MSI1: variants seen among roughly 807,000 people sequenced by gnomAD.
MSI1 encodes the protein musashi RNA binding protein 1.
MSI1 carries 15 observed loss-of-function variants against 54.4 expected under a neutral mutation model. The ratio of observed to expected loss-of-function variants is 0.28; its 90% confidence interval spans 0.18 to 0.42. MSI1 has a LOEUF of 0.42. MSI1 is among the 20% of genes least tolerant of loss of function. MSI1 has a pLI of 1.00. For synonymous variants in MSI1, 200 were observed against 196.5 expected (o/e 1.02, Z -0.15); for missense variants, 304 against 506.0 (o/e 0.60, Z 3.83).
intron 12 of MSI1, among the ~76,000 whole-genome samples, chr12:120,346,837 G>A (rs1331539348): frequency 6.6e-6 from 1 of 152,100 alleles, no homozygotes; most frequent in East Asian, 1.9e-4. Context: ...AGCTCCTCTG[G>A]TACTGGACTC....
At position 120,368,008 on chromosome 12, in the gene MSI1, T is replaced by G; in HGVS notation, c.267A>C (p.Thr89=). 1 of 1,610,622 alleles carries G rather than the reference T, an allele frequency of 6.2e-7. No homozygotes were observed. The highest frequency in any genetic ancestry group is 8.5e-7 in the Non-Finnish European group (1 of 1,178,510). Residue 89 remains threonine (T), a splice_region_variant and synonymous_variant, in exon 4 of 15, where the codon ACA becomes ACC. Coordinates refer to ENST00000257552, the MANE Select transcript of MSI1 (RefSeq NM_002442.4). The surrounding 1 kb of genome is among the most constrained non-coding windows in gnomAD (Gnocchi z 6.6). The part of the protein sequence containing the change: ...AQSRHELDSK[T]IDPKVAFPRR... ...CCCCGAAGCCCCGAGGGCCACTCAC[T>G]GTTTTGGAGTCGAGCTCGTGCCGCG...
intron 6 of MSI1, among the ~76,000 whole-genome samples, chr12:120,359,423 G>A (rs1342501245): frequency 2.0e-5 from 3 of 152,172 alleles, no homozygotes; most frequent in African/African-American, 4.8e-5. Flanking sequence ...GGAAATATGG[G>A]AGGGAGGAAA....
chr12:120,351,739 C>T (rs1329393502), intron 10 of MSI1, among the ~76,000 whole-genome samples: 2 of 145,256 alleles, frequency 1.4e-5, no homozygotes, highest in Non-Finnish European at 3.0e-5. Flanking sequence ...AATGGAGTCT[C>T]GCTCTGTCGC....
At chr12:120,359,983 C>T (rs1875490978) in intron 6 of MSI1, among the ~76,000 whole-genome samples, 1 of 152,054 alleles carries the variant, frequency 6.6e-6, no homozygotes, top group Non-Finnish European at 1.5e-5. Flanking sequence ...GGCCCAGCAT[C>T]CACCACCTTC....
At chr12:120,361,515 G>C (rs1233472547) in intron 6 of MSI1, 1 of 152,150 alleles carries the variant, frequency 6.6e-6, no homozygotes, top group Non-Finnish European at 1.5e-5. Flanking sequence ...GCGAGCTGAG[G>C]GGAGGGAGGC....
intron 9 of MSI1, among the ~76,000 whole-genome samples, chr12:120,356,166 A>G (rs925159921): frequency 6.6e-6 from 1 of 152,048 alleles, no homozygotes; most frequent in African/African-American, 2.4e-5. Flanking sequence ...GGCAGTGCCC[A>G]TTTACTCCTG....
chr12:120,350,232 G>T (rs1287046256), intron 11 of MSI1, among the ~76,000 whole-genome samples: 1 of 152,138 alleles, frequency 6.6e-6, no homozygotes, highest in Non-Finnish European at 1.5e-5. Context: ...TCACCATGTT[G>T]CCCAGGCTAG....
chr12:120,356,719 C>T (rs1875152522), intron 9 of MSI1, among the ~76,000 whole-genome samples, 183 bp downstream of exon 9: 1 of 152,192 alleles, frequency 6.6e-6, no homozygotes, highest in Non-Finnish European at 1.5e-5. Context: ...CAGCACCCCC[C>T]AACCAAACCA....
At chr12:120,359,156 G>A in intron 6 of MSI1, 103 bp from the exon 7 acceptor site, 1 of 1,402,262 alleles carries the variant, frequency 7.1e-7, no homozygotes, top group Non-Finnish European at 9.9e-7. Context: ...GCCCACTCCA[G>A]GCTTGACCTT....
chr12:120,345,541 C>T lies in MSI1; in HGVS notation c.*21+29G>A, dbSNP rs764621886. 3 of 1,608,462 alleles carry T rather than the reference C, an allele frequency of 1.9e-6. No individual in the cohort carries two copies. In the African/African-American group the frequency reaches 4.0e-5, roughly 22 times the overall value. On this transcript the variant is annotated intron_variant, in intron 14 of 14. Coordinates refer to ENST00000257552, the MANE Select transcript of MSI1 (RefSeq NM_002442.4). ...CAGGACAGGCTTCCCCAGTGCCACCCCACCACCTGCCCACCCCCACATCCT... is the reference window on the plus strand; with the variant it reads ...CAGGACAGGCTTCCCCAGTGCCACCTCACCACCTGCCCACCCCCACATCCT...
At position 120,361,217 on chromosome 12, in the gene MSI1, T is replaced by TTGAA. The variant is rs539904656; in HGVS notation, c.402+1822_402+1825dup. ...ACCTTGACTGGAGGTCAATCATTTT[T>TTGAA]TGAATGAATGAATGAATGAATGAAC... On this transcript the variant is annotated intron_variant, in intron 6 of 14. Transcript: ENST00000257552. 1.1e-3 allele frequency among the ~76,000 whole-genome samples: 160 copies of TTGAA among 152,008 alleles called. 1 individual carries two copies. Among genetic ancestry groups the TTGAA allele is most frequent in the South Asian group, 1.9e-3 (9 of 4,812 alleles).
chr12:120,356,182 A>G (rs1875100993), intron 9 of MSI1, among the ~76,000 whole-genome samples: 4 of 152,094 alleles, frequency 2.6e-5, no homozygotes, highest in Admixed American at 2.6e-4. Flanking sequence ...TCCTGTCTCC[A>G]ACTTGAAGGA....
At chr12:120,339,789 T>C (rs943006794), downstream of MSI1, among the ~76,000 whole-genome samples, 31 of 151,450 alleles carry the variant, frequency 2.0e-4, no homozygotes, top group Non-Finnish European at 1.3e-4. Flanking sequence ...GTAATTCTTT[T>C]TTTTTTTGAG....
At chr12:120,353,194 G>A (rs948553723) in intron 10 of MSI1, 105 bp downstream of exon 10, 5 of 1,111,150 alleles carry the variant, frequency 4.5e-6, no homozygotes, top group Non-Finnish European at 6.7e-6. Flanking sequence ...CAAGCCTCCA[G>A]CAAGCAGACC....
At position 120,347,472 on chromosome 12, in the gene MSI1, G is replaced by A. The variant is rs778099314; in HGVS notation, c.833C>T (p.Ala278Val). Reference protein sequence around the residue: ...TAYGPMAAAAAAAAVVRGTGS... With the variant: ...TAYGPMAAAAVAAAVVRGTGS... ...TGTCCCTCGAACCACAGCCGCTGCC[G>A]CCGCTGCCGCCGCCATTGGTCCGTA... The change falls in exon 12 of 15, where the codon GCG becomes GTG. Residue 278 changes from alanine (A) to valine (V), a missense_variant. Physicochemically the swap from Ala to Val is moderately conservative, Grantham distance 64. Transcript: ENST00000257552. The A allele has an allele frequency of 1.3e-5, 21 of 1,613,970 alleles. No homozygotes were observed. The highest frequency in any genetic ancestry group is 5.3e-5 in the African/African-American group (4 of 74,914).
At chr12:120,350,483 C>G (rs1174222900) in intron 11 of MSI1, among the ~76,000 whole-genome samples, 2 of 152,208 alleles carry the variant, frequency 1.3e-5, no homozygotes, top group Non-Finnish European at 2.9e-5. Flanking sequence ...TTCTCTTCCT[C>G]TCCCCCATTT....
chr12:120,345,697 C>G, intron 13 of MSI1, 65 bp from the exon 14 acceptor site: 1 of 1,588,862 alleles, frequency 6.3e-7, no homozygotes, highest in Non-Finnish European at 8.6e-7. Context: ...GGCTCCTTCT[C>G]TCTCTGCAGG....
At chr12:120,346,416 C>G (rs1243471997) in intron 12 of MSI1, 94 bp from the exon 13 acceptor site, 6 of 1,273,132 alleles carry the variant, frequency 4.7e-6, no homozygotes, top group Non-Finnish European at 6.3e-6. Context: ...TAACCTGGAC[C>G]CCCACATTTC....
downstream of MSI1, among the ~76,000 whole-genome samples, chr12:120,340,780 C>T (rs761901806): frequency 6.6e-6 from 1 of 152,108 alleles, no homozygotes; most frequent in Non-Finnish European, 1.5e-5. Context: ...TCCCCAAGTA[C>T]TGGGATTACA....
Sources: gnomAD v4.1 joint callset for allele counts (sites outside exome capture counted in the v4.1 genomes callset) on GRCh38, gnomAD v4.1.1 for gene constraint, Gnocchi (gnomAD v3.1) non-coding constraint, MANE v1.5 for transcripts, NCBI Gene and HGNC (gene_info 2026-07-23, HGNC 2026-07-21) for gene names.